Variants in CORO1C observed in about 807,000 individuals in gnomAD.
CORO1C encodes coronin-1C.
CORO1C carries 14 observed loss-of-function variants against 51.2 expected under a neutral mutation model. That is an observed-to-expected ratio of 0.27 (90% confidence interval 0.18 to 0.43). The LOEUF (loss-of-function observed/expected upper bound fraction) is 0.43, where lower values mean the gene tolerates loss of function less well. Ranked by LOEUF, CORO1C falls within the 20% of genes least tolerant of loss-of-function variation. CORO1C has a pLI of 1.00. For missense variants in CORO1C, 417 were observed against 607.8 expected, an observed-to-expected ratio of 0.69 and a Z score of 3.30; for synonymous variants, 181 against 210.5, an observed-to-expected ratio of 0.86 and a Z score of 1.21.
At chr12:108,715,085 T>C (rs1382203593) in intron 1 of CORO1C, among the ~76,000 whole-genome samples, 1 of 151,988 alleles carries the variant, frequency 6.6e-6, no homozygotes, top group East Asian at 1.9e-4. Flanking sequence ...TTCCTAAAAC[T>C]GGGCTGGGTG....
Position 108,654,371 on chromosome 12 carries a change from T to C in CORO1C, c.790A>G (p.Thr264Ala), listed in dbSNP as rs1470992750. 4.3e-6 allele frequency: 7 copies of C among 1,613,252 alleles called. No homozygotes were observed. In the South Asian group the frequency reaches 6.6e-5, roughly 15 times the overall value. Residue 264 changes from threonine to alanine, a missense_variant, in exon 7 of 11, where the codon ACT becomes GCT. Physicochemically the swap from Thr to Ala is moderately conservative, Grantham distance 58. Coordinates refer to ENST00000261401, the MANE Select transcript of CORO1C (RefSeq NM_014325.4). ...AAAGGCAGCAACACCCCATTGCTAGTGTCCATCTCATGAAGAGCAATTGGT... is the reference window on the plus strand; with the variant it reads ...AAAGGCAGCAACACCCCATTGCTAGCGTCCATCTCATGAAGAGCAATTGGT... The part of the protein sequence containing the change: ...QEPIALHEMD[T>A]SNGVLLPFYD...
intron 3 of CORO1C, among the ~76,000 whole-genome samples, chr12:108,675,576 GAATC>G (rs2033878451): frequency 6.6e-6 from 1 of 152,154 alleles, no homozygotes; most frequent in African/African-American, 2.4e-5. Flanking sequence ...TAAAAGGAAA[GAATC>G]AAGCACTTAT....
rs370727207 is a variant in CORO1C at position 108,687,307 on chromosome 12, C to T, written c.196-8913G>A. ...AATTCAACATAAATCTTAAGAAATC[C>T]GGCGAAACCCTGTCCCTACAAATAT... On this transcript the variant is annotated intron_variant, in intron 2 of 10. Coordinates refer to ENST00000261401, the MANE Select transcript of CORO1C (RefSeq NM_014325.4). 4.6e-5 allele frequency among the ~76,000 whole-genome samples: 7 copies of T among 152,210 alleles called. No individual in the cohort carries two copies. In the South Asian group the frequency reaches 6.2e-4, roughly 14 times the overall value.
chr12:108,699,603 C>T (rs1444728883), intron 2 of CORO1C, among the ~76,000 whole-genome samples: 1 of 152,130 alleles, frequency 6.6e-6, no homozygotes, highest in Non-Finnish European at 1.5e-5. Context: ...GTCAAGTTTC[C>T]AAATGCCCCT....
intron 1 of CORO1C, among the ~76,000 whole-genome samples, chr12:108,712,163 T>C (rs2035200537): frequency 6.6e-6 from 1 of 152,188 alleles, no homozygotes; most frequent in African/African-American, 2.4e-5. Flanking sequence ...TACTTTAATG[T>C]AGAAGAGATC....
At chr12:108,724,389 A>G (rs1392498317) in intron 1 of CORO1C, among the ~76,000 whole-genome samples, 1 of 152,236 alleles carries the variant, frequency 6.6e-6, no homozygotes, top group Non-Finnish European at 1.5e-5. Flanking sequence ...ATTAATTCAT[A>G]CCACACAAAG....
intron 1 of CORO1C, chr12:108,702,821 C>A (rs753864262): frequency 5.4e-5 from 82 of 1,532,020 alleles, no homozygotes; most frequent in Non-Finnish European, 6.3e-5. Flanking sequence ...GTGAAAGTGG[C>A]CTCTCTCCAA....
At chr12:108,656,611 G>A (rs919843130) in intron 6 of CORO1C, among the ~76,000 whole-genome samples, 7 of 152,252 alleles carry the variant, frequency 4.6e-5, no homozygotes, top group Non-Finnish European at 8.8e-5. Flanking sequence ...AATAGAAAAG[G>A]GGAAAAGGTG....
chr12:108,693,274 T>C (rs948167731), intron 2 of CORO1C, among the ~76,000 whole-genome samples: 1 of 152,190 alleles, frequency 6.6e-6, no homozygotes, highest in East Asian at 1.9e-4. Flanking sequence ...TTTCTACAAC[T>C]GTAGAACAGA....
intron 3 of CORO1C, among the ~76,000 whole-genome samples, chr12:108,665,796 G>A (rs1390759000): frequency 6.6e-6 from 1 of 152,198 alleles, no homozygotes; most frequent in Admixed American, 6.5e-5. Flanking sequence ...ATGGGCTCTG[G>A]CCAGACTGAT....
chr12:108,703,623 G>A (rs776527538), intron 1 of CORO1C, among the ~76,000 whole-genome samples: 4 of 152,208 alleles, frequency 2.6e-5, no homozygotes, highest in Non-Finnish European at 4.4e-5. Flanking sequence ...GAGAAACTGT[G>A]TGTCTCCAAA....
chr12:108,702,760 CAG>C, intron 1 of CORO1C: 2 of 1,478,568 alleles, frequency 1.4e-6, no homozygotes, highest in South Asian at 1.3e-5. Context: ...CTGCTAAATG[CAG>C]AGAGACGAAT....
chr12:108,714,479 T>C (rs1476215728), intron 1 of CORO1C, among the ~76,000 whole-genome samples: 2 of 148,730 alleles, frequency 1.3e-5, no homozygotes, highest in Admixed American at 6.7e-5. Context: ...CCAAGGATAG[T>C]ATCTAAAAGG....
At chr12:108,708,481 A>C (rs1340651049) in intron 1 of CORO1C, among the ~76,000 whole-genome samples, 1 of 147,900 alleles carries the variant, frequency 6.8e-6, no homozygotes, top group African/African-American at 2.5e-5. Context: ...TTTTTTTCTG[A>C]GATGGAGTCT....
chr12:108,671,136 C>T (rs2033701577), intron 3 of CORO1C, among the ~76,000 whole-genome samples: 1 of 151,918 alleles, frequency 6.6e-6, no homozygotes, highest in East Asian at 1.9e-4. Flanking sequence ...AGTTAGAGGC[C>T]AGCCTGGACA....
intron 2 of CORO1C, among the ~76,000 whole-genome samples, chr12:108,698,596 G>A (rs1045774035): frequency 4.6e-5 from 7 of 152,146 alleles, no homozygotes; most frequent in Non-Finnish European, 7.3e-5. Context: ...TAGTAGAGAC[G>A]AGGTTTCACC....
At chr12:108,716,492 C>T (rs2035340091) in intron 1 of CORO1C, among the ~76,000 whole-genome samples, 1 of 152,122 alleles carries the variant, frequency 6.6e-6, no homozygotes, top group South Asian at 2.1e-4. Flanking sequence ...TTAACCCATA[C>T]CTTGGGCAAG....
At chr12:108,715,406 C>T (rs1486739012) in intron 1 of CORO1C, among the ~76,000 whole-genome samples, 2 of 152,088 alleles carry the variant, frequency 1.3e-5, no homozygotes, top group Non-Finnish European at 2.9e-5. Context: ...TATATAAGGA[C>T]TTCGAAATCA....
At chr12:108,679,240 C>T (rs1431393211) in intron 2 of CORO1C, among the ~76,000 whole-genome samples, 1 of 149,432 alleles carries the variant, frequency 6.7e-6, no homozygotes, top group Non-Finnish European at 1.5e-5. Context: ...TGTAATGTCT[C>T]AGTCTCTCTG....
Sources: gnomAD v4.1 joint callset for allele counts (sites outside exome capture counted in the v4.1 genomes callset) on GRCh38, gnomAD v4.1.1 for gene constraint, MANE v1.5 for transcripts, NCBI Gene and HGNC (gene_info 2026-07-23, HGNC 2026-07-21) for gene names.